RGS8: variants seen among roughly 807,000 people sequenced by gnomAD.
The protein encoded by RGS8 is regulator of G protein signaling 8.
RGS8 carries 8 observed loss-of-function variants against 21.7 expected under a neutral mutation model. The ratio of observed to expected loss-of-function variants is 0.37; its 90% CI spans 0.22 to 0.66. The LOEUF is 0.66. RGS8 is among the 30% of genes least tolerant of loss of function. RGS8 has a pLI of 0.59. For missense variants in RGS8, 157 were observed against 217.9 expected (o/e 0.72, Z 1.76); for synonymous variants, 80 against 83.6 (o/e 0.96, Z 0.24).
At chr1:182,666,700 T>C (rs1016164060) in intron 4 of RGS8, among the ~76,000 whole-genome samples, 172 bp downstream of exon 5, 3 of 151,466 alleles carry the variant, frequency 2.0e-5, no homozygotes. Flanking sequence ...CACTAAGCTA[T>C]ACGTTTTGAA....
At chr1:182,646,684 G>A (rs1662716098) in exon 7 of RGS8, 3 of 1,504,522 alleles carry the variant, frequency 2.0e-6, no homozygotes, top group Middle Eastern at 1.7e-4. Flanking sequence ...TATGATCTTG[G>A]CAGCAAGTGG....
chr1:182,666,138 A>G (rs1663847474), intron 4 of RGS8, 105 bp from the exon 6 acceptor site: 2 of 895,648 alleles, frequency 2.2e-6, no homozygotes, highest in Middle Eastern at 4.4e-4. Flanking sequence ...AATGTGGGGA[A>G]GGGTGCAGGG....
the RGS8 span, among the ~76,000 whole-genome samples, chr1:182,740,559 T>G: frequency 3.0e-3 from 426 of 143,722 alleles, 4 homozygotes; most frequent in African/African-American, 0.01. Context: ...TTTTTTTTTT[T>G]TTTTTTTTTT....
the RGS8 span, among the ~76,000 whole-genome samples, chr1:182,709,141 C>T: frequency 3.3e-5 from 5 of 151,856 alleles, no homozygotes; most frequent in African/African-American, 1.2e-4. Context: ...TTGTTTTATC[C>T]CCATTAGAGC....
chr1:182,702,551 T>C, the RGS8 span, among the ~76,000 whole-genome samples: 1 of 152,192 alleles, frequency 6.6e-6, no homozygotes, highest in Admixed American at 6.5e-5. Context: ...ATTATAACTT[T>C]TTTAAAAAGA....
At chr1:182,673,892 G>A (rs1292807962), upstream of RGS8, among the ~76,000 whole-genome samples, 1 of 152,200 alleles carries the variant, frequency 6.6e-6, no homozygotes, top group African/African-American at 2.4e-5. Flanking sequence ...CATAGCTAAT[G>A]TTTAATGAGC....
At chr1:182,727,790 C>T in the RGS8 span, among the ~76,000 whole-genome samples, 1 of 152,186 alleles carries the variant, frequency 6.6e-6, no homozygotes, top group South Asian at 2.1e-4. Context: ...TATTAATCTG[C>T]ATTCTTTCCC....
chr1:182,732,030 G>A, the RGS8 span, among the ~76,000 whole-genome samples: 1 of 152,168 alleles, frequency 6.6e-6, no homozygotes, highest in East Asian at 1.9e-4. Context: ...TTGGGACTAG[G>A]ACTAGGTTAT....
At chr1:182,643,333 C>CCCG (rs1553214947), downstream of RGS8, 87 of 126,418 alleles carry the variant, frequency 6.9e-4, 2 homozygotes, top group African/African-American at 2.9e-3. Context: ...GCCCCCCCGC[C>CCCG]CCCGCGCTGT....
chr1:182,677,872 G>A (rs964502954), upstream of RGS8, among the ~76,000 whole-genome samples: 1 of 152,186 alleles, frequency 6.6e-6, no homozygotes, highest in African/African-American at 2.4e-5. Flanking sequence ...CAAAGGAAAT[G>A]AAACAAAATC....
chr1:182,677,517 T>C (rs1317921970), upstream of RGS8, among the ~76,000 whole-genome samples: 1 of 152,250 alleles, frequency 6.6e-6, no homozygotes, highest in African/African-American at 2.4e-5. Context: ...ATAAATAGAA[T>C]GCCATTATTT....
chr1:182,722,834 C>T, the RGS8 span, among the ~76,000 whole-genome samples: 18 of 151,992 alleles, frequency 1.2e-4, no homozygotes, highest in Admixed American at 7.2e-4. Flanking sequence ...AAAAATTAGC[C>T]GGGCTTGGTT....
chr1:182,746,632 A>G, the RGS8 span, among the ~76,000 whole-genome samples: 1 of 151,952 alleles, frequency 6.6e-6, no homozygotes, highest in South Asian at 2.1e-4. Context: ...AGCCTGGGCA[A>G]TAGAGTAAGA....
upstream of RGS8, among the ~76,000 whole-genome samples, chr1:182,675,994 G>A (rs916032295): frequency 3.3e-5 from 5 of 152,098 alleles, no homozygotes; most frequent in Non-Finnish European, 7.3e-5. Context: ...AAAAATCGCC[G>A]AGGATTCTTT....
At chr1:182,721,048 T>TATATATGTGTGTATATATACATATATAC in the RGS8 span, among the ~76,000 whole-genome samples, 883 of 70,646 alleles carry the variant, frequency 0.012, 69 homozygotes, top group Non-Finnish European at 0.018. Flanking sequence ...TACATATACA[T>TATATATGTGTGTATATATACATATATAC]ACATATATAT....
chr1:182,674,486 C>T (rs568415397), upstream of RGS8, among the ~76,000 whole-genome samples: 43 of 151,964 alleles, frequency 2.8e-4, no homozygotes, highest in African/African-American at 9.4e-4. Context: ...CTAATCAAAA[C>T]ACTCCTAAAT....
the RGS8 span, among the ~76,000 whole-genome samples, chr1:182,712,517 A>G: frequency 6.6e-6 from 1 of 152,324 alleles, no homozygotes; most frequent in South Asian, 2.1e-4. Flanking sequence ...AGAACATAAA[A>G]ATGTCTCTGG....
chr1:182,706,358 A>G, the RGS8 span, among the ~76,000 whole-genome samples: 1 of 152,162 alleles, frequency 6.6e-6, no homozygotes, highest in Admixed American at 6.5e-5. Flanking sequence ...TGATCGTGCC[A>G]CCTGCTAGAA....
chr1:182,705,610 C>T, the RGS8 span, among the ~76,000 whole-genome samples: 93 of 135,846 alleles, frequency 6.8e-4, no homozygotes, highest in African/African-American at 2.5e-3. Context: ...CAGGAATGAT[C>T]GCATAATACT....
Sources: allele counts gnomAD v4.1 joint callset (sites outside exome capture counted in the v4.1 genomes callset), GRCh38; gene constraint gnomAD v4.1.1; transcripts MANE v1.5; gene names NCBI Gene and HGNC (gene_info 2026-07-23, HGNC 2026-07-21).